Variants in OR6C74 observed in about 807,000 individuals in gnomAD.
OR6C74 encodes olfactory receptor family 6 subfamily C member 74, also known as olfactory receptor 6C74.
For missense variants in OR6C74, 361 were observed against 362.9 expected (o/e 0.99, Z 0.04); for synonymous variants, 142 against 134.2 (o/e 1.06, Z -0.40).
In OR6C74 at chr12:55,254,066, A is replaced by G. The variant is rs1954327500; in HGVS notation, c.*5840A>G. On this transcript the variant is annotated 3_prime_UTR_variant, in exon 2 of 2. Transcript: ENST00000343399. ...CGGCCATACTGACCAATAAGTAACCACACTGAATATGCTCATATCAGTTAA... is the reference window on the plus strand; with the variant it reads ...CGGCCATACTGACCAATAAGTAACCGCACTGAATATGCTCATATCAGTTAA... 1.3e-5 allele frequency among the ~76,000 whole-genome samples: 2 copies of G among 152,106 alleles called. No individual in the cohort carries two copies.
rs761136436 is a variant in OR6C74, at chr12:55,251,509, T to A, written c.*3283T>A. Among the ~76,000 whole-genome samples, 1 of 152,044 alleles carries A rather than the reference T, an allele frequency of 6.6e-6. No individual in the cohort carries two copies. Among genetic ancestry groups the A allele is most frequent in the Non-Finnish European group, 1.5e-5 (1 of 67,948 alleles). On this transcript the variant is annotated 3_prime_UTR_variant, in exon 2 of 2. Coordinates refer to ENST00000343399, the MANE Select transcript of OR6C74 (RefSeq NM_001005490.2). ...CAGGAGATGAGTGAAGTTAATATGT[T>A]CATCTATAAAATAAGATTAAAATGT... is the stretch of plus-strand genomic sequence containing the variant.
chr12:55,247,681 A>G lies in OR6C74; in HGVS notation c.394A>G (p.Thr132Ala). ...VAICKPLHYT[T>A]IMSSRVCSLL... The stretch of plus-strand genomic sequence containing the variant: ...CATCTGCAAACCCCTGCATTACACC[A>G]CCATCATGAGCAGCAGAGTTTGCAG... The change falls in exon 2 of 2, where the codon ACC (threonine) becomes GCC (alanine). Residue 132 changes from threonine to alanine, a missense_variant. Physicochemically the swap from Thr to Ala is moderately conservative, Grantham distance 58. Transcript: ENST00000343399. 1 of 1,613,974 alleles carries G rather than the reference A, an allele frequency of 6.2e-7. No homozygotes were observed. The highest frequency in any genetic ancestry group is 8.5e-7 in the Non-Finnish European group (1 of 1,179,988).
At chr12:55,246,175 T>C (rs1234144927) in intron 1 of OR6C74, among the ~76,000 whole-genome samples, 2 of 152,046 alleles carry the variant, frequency 1.3e-5, no homozygotes, top group South Asian at 2.1e-4. Flanking sequence ...TGGAAAAAGA[T>C]AGAAAAACAA....
In OR6C74 at chr12:55,247,791, A is replaced by C; in HGVS notation, c.504A>C (p.Ala168=). Residue 168 remains alanine, a synonymous_variant, in exon 2 of 2, where the codon GCA becomes GCC. Transcript: ENST00000343399. ...LLMGLQLDFC[A]ANTVDHFFCD... is the part of the protein sequence containing the mutation. ...TGGGTCTCCAGCTTGATTTCTGTGCAGCCAACACTGTAGATCATTTCTTCT... is the reference window on the plus strand; with the variant it reads ...TGGGTCTCCAGCTTGATTTCTGTGCCGCCAACACTGTAGATCATTTCTTCT... 1 of 1,614,002 alleles carries C rather than the reference A, an allele frequency of 6.2e-7. No homozygotes were observed. Among genetic ancestry groups the C allele is most frequent in the African/African-American group, 1.3e-5 (1 of 75,016 alleles).
Position 55,250,616 on chromosome 12 carries a change from G to A in OR6C74, c.*2390G>A, listed in dbSNP as rs1368162062. The stretch of plus-strand genomic sequence containing the variant: ...TACCAGAGATCAGGGTCCATTATAG[G>A]CACTTAAAATTTTTAAATTGTGCTA... On this transcript the variant is annotated 3_prime_UTR_variant, in exon 2 of 2. Coordinates refer to ENST00000343399, the MANE Select transcript of OR6C74 (RefSeq NM_001005490.2). Among the ~76,000 whole-genome samples the A allele has an allele frequency of 6.6e-6, 1 of 151,880 alleles. No individual in the cohort carries two copies. Among genetic ancestry groups the A allele is most frequent in the Non-Finnish European group, 1.5e-5 (1 of 67,926 alleles).
In OR6C74 at chr12:55,253,894, T is replaced by C. The variant is rs1381680494; in HGVS notation, c.*5668T>C. On this transcript the variant is annotated 3_prime_UTR_variant, in exon 2 of 2. Transcript: ENST00000343399. ...GCTTTAACTCCATTATGATGGCTAA[T>C]TCATTCTTCCTTTCACTTATCCTAG... is the stretch of plus-strand genomic sequence containing the variant. Among the ~76,000 whole-genome samples, 3 of 152,106 alleles carry C rather than the reference T, an allele frequency of 2.0e-5. No individual in the cohort carries two copies. Among genetic ancestry groups the C allele is most frequent in the African/African-American group, 4.8e-5 (2 of 41,446 alleles).
At position 55,249,652 on chromosome 12, in the gene OR6C74, T is replaced by C. The variant is rs1954299525; in HGVS notation, c.*1426T>C. Among the ~76,000 whole-genome samples the C allele has an allele frequency of 6.6e-6, 1 of 152,142 alleles. No individual in the cohort carries two copies. Among genetic ancestry groups the C allele is most frequent in the Admixed American group, 6.5e-5 (1 of 15,272 alleles). On this transcript the variant is annotated 3_prime_UTR_variant, in exon 2 of 2. Coordinates refer to ENST00000343399, the MANE Select transcript of OR6C74 (RefSeq NM_001005490.2). ...ATGTATGTGTAAATGGTTTTTATAA[T>C]ACTGCAATACTTTAAGAACATTTTA...
Position 55,248,307 on chromosome 12 carries a change from T to C in OR6C74, c.*81T>C. On this transcript the variant is annotated 3_prime_UTR_variant, in exon 2 of 2. Transcript: ENST00000343399. ...TATGTGCAAAGTTTTTCAATGTTTG[T>C]ATTCAATAATATTACCTCTTTTTTG... The C allele has an allele frequency of 3.8e-6, 3 of 779,942 alleles. No homozygotes were observed. The highest frequency in any genetic ancestry group is 1.9e-5 in the South Asian group (1 of 52,368). The allele number at this position is 779,942 out of a possible 1,614,324, so 48.3% of individuals were successfully genotyped here.
rs180706292 is a variant in OR6C74, at chr12:55,256,216, G to A, written c.*7990G>A. 3.3e-5 allele frequency among the ~76,000 whole-genome samples: 5 copies of A among 152,056 alleles called. No homozygotes were observed. Among genetic ancestry groups the A allele is most frequent in the African/African-American group, 4.8e-5 (2 of 41,408 alleles). ...TGTCCCAGAAAAGCAGATGTTCATA[G>A]CTCTGGGAATGGAATGGGACCCTTG... On this transcript the variant is annotated 3_prime_UTR_variant, in exon 2 of 2. Coordinates refer to ENST00000343399, the MANE Select transcript of OR6C74 (RefSeq NM_001005490.2).
Position 55,248,178 on chromosome 12 carries a change from T to C in OR6C74, c.891T>C (p.Asp297=). 1 of 1,613,272 alleles carries C rather than the reference T, an allele frequency of 6.2e-7. No homozygotes were observed. Among genetic ancestry groups the C allele is most frequent in the Non-Finnish European group, 8.5e-7 (1 of 1,179,604 alleles). The change falls in exon 2 of 2, where the codon GAT becomes GAC. Residue 297 remains aspartate, a synonymous_variant. Transcript: ENST00000343399. ...IYTLRNKQVK[D]VFKHTVKKIE... is the part of the protein sequence containing the mutation. ...CACTGAGAAACAAACAAGTAAAAGA[T>C]GTTTTTAAGCACACAGTCAAAAAGA... is the stretch of plus-strand genomic sequence containing the variant.
rs913028765 is a variant in OR6C74 at position 55,244,802 on chromosome 12, G to T, written c.-25G>T. Among the ~76,000 whole-genome samples the T allele has an allele frequency of 2.6e-5, 4 of 151,910 alleles. No individual in the cohort carries two copies. The highest frequency in any genetic ancestry group is 9.7e-5 in the African/African-American group (4 of 41,380). ...AACATCTTATTAATAAAAATCATGA[G>T]AAGAAATGAACCTAGGTAAGATTAA... On this transcript the variant is annotated 5_prime_UTR_variant, in exon 1 of 2. Transcript: ENST00000343399.
intron 1 of OR6C74, among the ~76,000 whole-genome samples, chr12:55,245,645 G>A (rs1954265666): frequency 6.6e-6 from 1 of 151,952 alleles, no homozygotes; most frequent in Non-Finnish European, 1.5e-5. Context: ...CTGTCAAGTA[G>A]GTTATAATAG....
chr12:55,246,012 A>G (rs61956041), intron 1 of OR6C74, among the ~76,000 whole-genome samples: 37,328 of 151,906 alleles, frequency 0.25, 5,112 homozygotes, highest in Middle Eastern at 0.38. Context: ...TATGTGTTTC[A>G]CTCCAGAGCT....
rs950520263 is a variant in OR6C74 at position 55,253,791 on chromosome 12, C to T, written c.*5565C>T. The stretch of plus-strand genomic sequence containing the variant: ...AGCGGAAGATTTGGATATTAATATG[C>T]ATGACAGTTTTGCAAAGACAACTTT... On this transcript the variant is annotated 3_prime_UTR_variant, in exon 2 of 2. Coordinates refer to ENST00000343399, the MANE Select transcript of OR6C74 (RefSeq NM_001005490.2). 3.3e-5 allele frequency among the ~76,000 whole-genome samples: 5 copies of T among 152,048 alleles called. No individual in the cohort carries two copies. Among genetic ancestry groups the T allele is most frequent in the Admixed American group, 2.6e-4 (4 of 15,262 alleles).
In OR6C74 at chr12:55,253,171, C is replaced by T. The variant is rs991640165; in HGVS notation, c.*4945C>T. ...ATCTATTAATCCATAAACATTCATT[C>T]CCAAAATCAATAACTGGATATTTAG... On this transcript the variant is annotated 3_prime_UTR_variant, in exon 2 of 2. Transcript: ENST00000343399. Among the ~76,000 whole-genome samples the T allele has an allele frequency of 1.3e-5, 2 of 151,994 alleles. No individual in the cohort carries two copies. Among genetic ancestry groups the T allele is most frequent in the African/African-American group, 4.8e-5 (2 of 41,416 alleles).
In OR6C74 at chr12:55,247,372, CT is replaced by C; in HGVS notation, c.92del (p.Phe31SerfsTer5). The C allele has an allele frequency of 1.2e-6, 2 of 1,612,152 alleles. No individual in the cohort carries two copies. The highest frequency in any genetic ancestry group is 1.7e-6 in the Non-Finnish European group (2 of 1,178,304). ...ATTACAGGTGATTATTTTTCTTCTC[CT>C]TTTTTTCACCTACATGTTGAGCATC... is the stretch of plus-strand genomic sequence containing the variant. Reference protein sequence around the residue: ...PQLQVIIFLLLFFTYMLSITG... With the variant: ...PQLQVIIFLLXFFTYMLSITG... On this transcript the variant is annotated frameshift_variant, in exon 2 of 2. Coordinates refer to ENST00000343399, the MANE Select transcript of OR6C74 (RefSeq NM_001005490.2). LOFTEE classifies it low-confidence loss of function (END_TRUNC).
rs1203337590 is a variant in OR6C74 at position 55,254,565 on chromosome 12, G to A, written c.*6339G>A. Among the ~76,000 whole-genome samples the A allele has an allele frequency of 6.6e-6, 1 of 152,070 alleles. No homozygotes were observed. The highest frequency in any genetic ancestry group is 1.5e-5 in the Non-Finnish European group (1 of 67,984). On this transcript the variant is annotated 3_prime_UTR_variant, in exon 2 of 2. Transcript: ENST00000343399. ...AGGATTTAAGAGATAAATTTATTTAGGACAGTCATGGGAACTTCATGATTT... is the reference window on the plus strand; with the variant it reads ...AGGATTTAAGAGATAAATTTATTTAAGACAGTCATGGGAACTTCATGATTT...
rs1052107602 is a variant in OR6C74 at position 55,248,992 on chromosome 12, A to C, written c.*766A>C. On this transcript the variant is annotated 3_prime_UTR_variant, in exon 2 of 2. Coordinates refer to ENST00000343399, the MANE Select transcript of OR6C74 (RefSeq NM_001005490.2). ...TTAAATAATTTGTTGATGACAACAA[A>C]AATAAATACCCAAGGATGACAAAAA... Among the ~76,000 whole-genome samples, 1 of 152,242 alleles carries C rather than the reference A, an allele frequency of 6.6e-6. No individual in the cohort carries two copies. The highest frequency in any genetic ancestry group is 2.4e-5 in the African/African-American group (1 of 41,476).
rs1460318414 is a variant in OR6C74, at chr12:55,248,490, C to G, written c.*264C>G. Among the ~76,000 whole-genome samples, 2 of 152,144 alleles carry G rather than the reference C, an allele frequency of 1.3e-5. No individual in the cohort carries two copies. Among genetic ancestry groups the G allele is most frequent in the African/African-American group, 2.4e-5 (1 of 41,428 alleles). On this transcript the variant is annotated 3_prime_UTR_variant, in exon 2 of 2. Transcript: ENST00000343399. ...CTCTTTTATTTCCTCTCAAAATTCT[C>G]TCAGAGGAAGACAAAGTGAGACTTC...
Sources: gnomAD v4.1 joint callset for allele counts (sites outside exome capture counted in the v4.1 genomes callset) on GRCh38, gnomAD v4.1.1 for gene constraint, MANE v1.5 for transcripts, NCBI Gene and HGNC (gene_info 2026-07-23, HGNC 2026-07-21) for gene names.